UBAP1: variants seen among roughly 807,000 people sequenced by gnomAD.
UBAP1 encodes the protein ubiquitin associated protein 1, also known as ubiquitin-associated protein 1.
In UBAP1, 5 loss-of-function variants were observed where a neutral mutation model predicts 39.0. The observed-to-expected ratio is 0.13, with a 90% CI of 0.07 to 0.27. The LOEUF (loss-of-function observed/expected upper bound fraction) is 0.27, where lower values mean the gene tolerates loss of function less well. Among genes scored for constraint, UBAP1 ranks in the 10% least tolerant of loss-of-function variants. The pLI is 1.00. For missense variants in UBAP1, 490 were observed against 608.1 expected (o/e 0.81, Z 2.04); for synonymous variants, 211 against 225.1 (o/e 0.94, Z 0.56).
rs137940459 is a variant in UBAP1, at chr9:34,230,990, C to T, written c.35-3226C>T. 4.6e-5 allele frequency among the ~76,000 whole-genome samples: 7 copies of T among 151,734 alleles called. No individual in the cohort carries two copies. The East Asian group carries it at 5.9e-4, about 13-fold the overall frequency. On this transcript the variant is annotated intron_variant, in intron 2 of 6. Transcript: ENST00000297661. ...CCCAGGAGTTGGAGACCAGCCTGGA[C>T]GACATAATGAGACCCTGTCTTAGCT...
chr9:34,250,977 A>G (rs1470509590), intron 6 of UBAP1: 2 of 560,232 alleles, frequency 3.6e-6, no homozygotes, highest in East Asian at 6.6e-5. Context: ...AATCCCAGTG[A>G]AGGGAAGGGA....
intron 2 of UBAP1, among the ~76,000 whole-genome samples, chr9:34,233,820 T>C (rs2131606867): frequency 6.6e-6 from 1 of 152,274 alleles, no homozygotes; most frequent in East Asian, 1.9e-4. Context: ...GAGTGAGTCA[T>C]GTGACAGAAG....
In UBAP1 at chr9:34,251,684, C is replaced by A; in HGVS notation, c.*152C>A. ...AGACTGCTCGCCAGTCTCTGTGAGC[C>A]TAGGCCCTGAGCTGGGGAGGTGGGG... is the stretch of plus-strand genomic sequence containing the variant. On this transcript the variant is annotated 3_prime_UTR_variant, in exon 7 of 7. Transcript: ENST00000297661. 1 of 848,576 alleles carries A rather than the reference C, an allele frequency of 1.2e-6. No homozygotes were observed. Among genetic ancestry groups the A allele is most frequent in the African/African-American group, 1.7e-5 (1 of 58,628 alleles). 52.6% of individuals were successfully genotyped at this position (848,576 alleles called of 1,614,324 possible). A position where few individuals can be genotyped will look rare whatever the true frequency, so the allele number is the denominator to read the frequency against.
intron 4 of UBAP1, 122 bp downstream of exon 4, chr9:34,242,230 G>T (rs1362772244): frequency 3.7e-6 from 4 of 1,070,136 alleles, no homozygotes; most frequent in Non-Finnish European, 5.4e-6. Flanking sequence ...AGGCTGGAAT[G>T]CAGTGGTGTG....
chr9:34,226,125 G>GTGTGTGTGTGTGTGTGTT (rs1554650810), intron 2 of UBAP1, among the ~76,000 whole-genome samples: 255 of 139,860 alleles, frequency 1.8e-3, no homozygotes, highest in Middle Eastern at 3.6e-3. Flanking sequence ...GTGTGTGTGT[G>GTGTGTGTGTGTGTGTGTT]TGTGTGTGTG....
intron 2 of UBAP1, among the ~76,000 whole-genome samples, chr9:34,227,804 A>G (rs1833181479): frequency 1.3e-5 from 2 of 152,194 alleles, no homozygotes; most frequent in South Asian, 4.1e-4. Context: ...ACTAAAAGGT[A>G]TTTGAGGTTG....
At chr9:34,225,817 A>G (rs1032339875) in intron 2 of UBAP1, among the ~76,000 whole-genome samples, 3 of 151,646 alleles carry the variant, frequency 2.0e-5, no homozygotes, top group Non-Finnish European at 2.9e-5. Flanking sequence ...AGAAATCTCA[A>G]TCCTCTTTCA....
At position 34,251,655 on chromosome 9, in the gene UBAP1, G is replaced by A. The variant is rs1834541018; in HGVS notation, c.*123G>A. 1.8e-6 allele frequency: 2 copies of A among 1,123,470 alleles called. No individual in the cohort carries two copies. Among genetic ancestry groups the A allele is most frequent in the Non-Finnish European group, 2.5e-6 (2 of 810,634 alleles). The allele number at this position is 1,123,470 out of a possible 1,614,324, so 69.6% of individuals were successfully genotyped here. A position where few individuals can be genotyped will look rare whatever the true frequency, so the allele number is the denominator to read the frequency against. On this transcript the variant is annotated 3_prime_UTR_variant, in exon 7 of 7. Coordinates refer to ENST00000297661, the MANE Select transcript of UBAP1 (RefSeq NM_016525.5). Reference sequence around the variant, plus strand: ...TCTTTTGGGGGTTAGAAGGTCAGGTGTGGAGACTGCTCGCCAGTCTCTGTG... The same window carrying A: ...TCTTTTGGGGGTTAGAAGGTCAGGTATGGAGACTGCTCGCCAGTCTCTGTG...
intron 3 of UBAP1, among the ~76,000 whole-genome samples, chr9:34,236,700 C>T (rs896902127): frequency 6.6e-6 from 1 of 151,952 alleles, no homozygotes; most frequent in African/African-American, 2.4e-5. Flanking sequence ...CATTTTTCAC[C>T]TGGGCTGTTG....
chr9:34,179,350 G>A (rs1302275202), intron 1 of UBAP1, 110 bp downstream of exon 1: 11 of 843,928 alleles, frequency 1.3e-5, no homozygotes, highest in Non-Finnish European at 1.7e-5. Context: ...GGTGAAGGGC[G>A]CCGGAGCTAG....
intron 3 of UBAP1, among the ~76,000 whole-genome samples, chr9:34,235,052 T>C (rs935879517): frequency 2.0e-5 from 3 of 151,962 alleles, no homozygotes; most frequent in African/African-American, 7.3e-5. Context: ...TAGGCTGATG[T>C]GTGTGTGGCT....
chr9:34,187,708 CTT>C (rs926831232), intron 1 of UBAP1, among the ~76,000 whole-genome samples: 1 of 145,394 alleles, frequency 6.9e-6, no homozygotes. Flanking sequence ...ATGTATTTTG[CTT>C]TTTTTTTTAA....
In UBAP1 at chr9:34,250,664, G is replaced by A. The variant is rs753301456; in HGVS notation, c.1273G>A (p.Asp425Asn). 16 of 1,612,388 alleles carry A rather than the reference G, an allele frequency of 9.9e-6. No homozygotes were observed. Among genetic ancestry groups the A allele is most frequent in the South Asian group, 3.3e-5 (3 of 90,990 alleles). The change falls in exon 6 of 7, where the codon GAC (aspartate) becomes AAC (asparagine). Residue 425 changes from aspartate (D) to asparagine (N), a missense_variant. Physicochemically the swap from Asp to Asn is conservative, Grantham distance 23. This residue lies in a region of UBAP1 where 339 missense variants were observed against 390.0 expected (regional missense o/e 0.87). Coordinates refer to ENST00000297661, the MANE Select transcript of UBAP1 (RefSeq NM_016525.5). ...CCCTTGTTTCTTTTCTTAGATTCTC[G>A]ACTATCTCTTTGCACATGGACAGCT... ...KKGENIEQIL[D>N]YLFAHGQLCE...
At chr9:34,249,998 C>T (rs1423250491) in intron 5 of UBAP1, 37 bp downstream of exon 5, 1 of 1,606,448 alleles carries the variant, frequency 6.2e-7, no homozygotes, top group South Asian at 1.1e-5. Flanking sequence ...AGGCTCAGAC[C>T]TGTGGAGCTG....
chr9:34,235,843 T>G (rs150982300), intron 3 of UBAP1, among the ~76,000 whole-genome samples: 3 of 151,204 alleles, frequency 2.0e-5, no homozygotes, highest in Admixed American at 2.0e-4. Context: ...TTTTTTTTTC[T>G]TTTTTTGAGA....
rs1193356334 is a variant in UBAP1 at position 34,181,116 on chromosome 9, C to CTTTCTTTTTTTTTTTTTTTTTT, written c.-8+1879_-8+1880insCTTTTTTTTTTTTTTTTTTTTT. 6.1e-4 allele frequency among the ~76,000 whole-genome samples: 44 copies of CTTTCTTTTTTTTTTTTTTTTTT among 72,272 alleles called. 3 individuals carry two copies. Among genetic ancestry groups the CTTTCTTTTTTTTTTTTTTTTTT allele is most frequent in the South Asian group, 2.9e-3 (5 of 1,750 alleles). The allele number at this position is 72,272 out of a possible 152,430, so 47.4% of individuals were successfully genotyped here. A position where few individuals can be genotyped will look rare whatever the true frequency, so the allele number is the denominator to read the frequency against. Reference sequence around the variant, plus strand: ...TGAGCCACCGCACCCGGCCTGTTTTCTTTTTTTTTTTTTTTTTGAGACAGA... The same window carrying CTTTCTTTTTTTTTTTTTTTTTT: ...TGAGCCACCGCACCCGGCCTGTTTTCTTTCTTTTTTTTTTTTTTTTTTTTTTTTTTTTTTTTTTTGAGACAGA... On this transcript the variant is annotated intron_variant, in intron 1 of 6. Transcript: ENST00000297661.
chr9:34,242,195 G>A (rs1347607066), intron 4 of UBAP1, 87 bp downstream of exon 4: 8 of 1,358,252 alleles, frequency 5.9e-6, no homozygotes, highest in Admixed American at 4.3e-5. Context: ...GATTTTTTTC[G>A]AGACAGGGTC....
At chr9:34,220,994 AG>A in intron 2 of UBAP1, 46 bp downstream of exon 2, 2 of 1,562,608 alleles carry the variant, frequency 1.3e-6, no homozygotes, top group Non-Finnish European at 1.8e-6. Context: ...ATTTGATCAG[AG>A]GATTTGGAAT....
At chr9:34,190,502 C>G (rs989356809) in intron 1 of UBAP1, among the ~76,000 whole-genome samples, 12 of 151,492 alleles carry the variant, frequency 7.9e-5, no homozygotes, top group Middle Eastern at 3.2e-3. Context: ...GTTGGCCAGG[C>G]TGGTCTTGAA....
Sources: allele counts gnomAD v4.1 joint callset (sites outside exome capture counted in the v4.1 genomes callset), GRCh38; gene constraint gnomAD v4.1.1; regional missense constraint gnomAD v4.1.1; transcripts MANE v1.5; gene names NCBI Gene and HGNC (gene_info 2026-07-23, HGNC 2026-07-21).